AQP9: variants seen among roughly 807,000 people sequenced by gnomAD.
The protein encoded by AQP9 is aquaporin 9.
In AQP9, 19 loss-of-function variants were observed where a neutral mutation model predicts 23.8. The ratio of observed to expected loss-of-function variants is 0.80; its 90% CI spans 0.56 to 1.17. AQP9 has a LOEUF of 1.17. Among genes scored for constraint, AQP9 ranks in the 50% most tolerant of loss-of-function variants. The probability of loss-of-function intolerance (pLI) is 0.00; values close to 1 mark genes in which losing one functional copy is unlikely to be tolerated. For missense variants in AQP9, 413 were observed against 362.0 expected (o/e 1.14, Z -1.14); for synonymous variants, 153 against 131.5 (o/e 1.16, Z -1.12).
intron 1 of AQP9, among the ~76,000 whole-genome samples, chr15:58,145,225 G>T (rs1898023502): frequency 6.6e-6 from 1 of 151,560 alleles, no homozygotes. Flanking sequence ...CCCTTAGGCT[G>T]GGCACAATGG....
chr15:58,160,712 G>T (rs559035559), intron 1 of AQP9, among the ~76,000 whole-genome samples: 1 of 152,078 alleles, frequency 6.6e-6, no homozygotes, highest in Non-Finnish European at 1.5e-5. Flanking sequence ...CAAGGTTGCA[G>T]GTATATAATA....
At position 58,184,202 on chromosome 15, in the gene AQP9, C is replaced by T. The variant is rs1898962419; in HGVS notation, c.*67C>T. 1 of 1,534,060 alleles carries T rather than the reference C, an allele frequency of 6.5e-7. No homozygotes were observed. Among genetic ancestry groups the T allele is most frequent in the South Asian group, 1.2e-5 (1 of 83,472 alleles). On this transcript the variant is annotated 3_prime_UTR_variant, in exon 6 of 6. Transcript: ENST00000219919. The stretch of plus-strand genomic sequence containing the variant: ...CTTCAGAAAGATGGCATCTAAGTGT[C>T]TGTGTTCTTGTAAGCCTGAGGTGGA...
intron 1 of AQP9, among the ~76,000 whole-genome samples, chr15:58,163,112 G>A (rs1269705988): frequency 6.6e-6 from 1 of 152,288 alleles, no homozygotes; most frequent in Non-Finnish European, 1.5e-5. Context: ...GAGAAGAGAA[G>A]GCTTGGTGAA....
rs79160048 is a variant in AQP9 at position 58,184,190 on chromosome 15, G to A, written c.*55G>A. 217 of 1,560,796 alleles carry A rather than the reference G, an allele frequency of 1.4e-4. No individual in the cohort carries two copies. In the East Asian group the frequency reaches 4.5e-3, roughly 33 times the overall value. ...GTTTGGGATTCTCTTCAGAAAGATG[G>A]CATCTAAGTGTCTGTGTTCTTGTAA... On this transcript the variant is annotated 3_prime_UTR_variant, in exon 6 of 6. Transcript: ENST00000219919.
intron 2 of AQP9, 70 bp from the exon 3 acceptor site, chr15:58,172,998 G>A: frequency 1.3e-6 from 2 of 1,587,926 alleles, no homozygotes; most frequent in Non-Finnish European, 1.7e-6. Context: ...TCCACCTGAG[G>A]TCTCTAGATG....
chr15:58,171,769 A>G (rs1214718510), intron 2 of AQP9, among the ~76,000 whole-genome samples: 2 of 152,266 alleles, frequency 1.3e-5, no homozygotes, highest in East Asian at 1.9e-4. Flanking sequence ...TGGAAAAAGC[A>G]TAGCTTTCTC....
intron 3 of AQP9, among the ~76,000 whole-genome samples, chr15:58,173,570 T>G (rs1403675278): frequency 6.6e-6 from 1 of 152,070 alleles, no homozygotes; most frequent in Non-Finnish European, 1.5e-5. Context: ...CAGTAAGTAT[T>G]GAGAGAAGGA....
intron 4 of AQP9, among the ~76,000 whole-genome samples, chr15:58,178,071 T>C (rs1231326090): frequency 6.6e-6 from 1 of 152,176 alleles, no homozygotes; most frequent in Non-Finnish European, 1.5e-5. Context: ...ATTATAATAA[T>C]CTAGAGATGA....
intron 2 of AQP9, among the ~76,000 whole-genome samples, chr15:58,169,283 G>T (rs988995264): frequency 6.6e-6 from 1 of 152,154 alleles, no homozygotes; most frequent in Non-Finnish European, 1.5e-5. Flanking sequence ...CAAACAGAGT[G>T]GTGTCTGAGA....
At chr15:58,175,603 C>T (rs1214720292) in intron 4 of AQP9, among the ~76,000 whole-genome samples, 1 of 152,218 alleles carries the variant, frequency 6.6e-6, no homozygotes, top group Non-Finnish European at 1.5e-5. Context: ...GCAGGACTAA[C>T]ATTGTCAACT....
Position 58,184,089 on chromosome 15 carries a change from A to C in AQP9, c.842A>C (p.Gln281Pro), listed in dbSNP as rs1436248708. The change falls in exon 6 of 6, where the codon CAA becomes CCA. Residue 281 changes from glutamine (Q) to proline (P), a missense_variant. Transcript: ENST00000219919. ...PEPDSVFKTE[Q>P]SEDKPEKYEL... ...CCTGACTCAGTCTTTAAGACAGAAC[A>C]ATCTGAGGACAAACCAGAGAAATAT... 1.2e-6 allele frequency: 2 copies of C among 1,614,132 alleles called. No individual in the cohort carries two copies. The highest frequency in any genetic ancestry group is 3.3e-5 in the Admixed American group (2 of 60,022).
At position 58,173,864 on chromosome 15, in the gene AQP9, T is replaced by A. The variant is rs141492608; in HGVS notation, c.376+659T>A. On this transcript the variant is annotated intron_variant, in intron 3 of 5. Coordinates refer to ENST00000219919, the MANE Select transcript of AQP9 (RefSeq NM_020980.5). ...CCTTTCAAACTAAAACACCTTGGTG[T>A]TCCCATGAAATCAACTGTTAAAGCA... is the stretch of plus-strand genomic sequence containing the variant. Among the ~76,000 whole-genome samples the A allele has an allele frequency of 3.3e-5, 5 of 152,318 alleles. No individual in the cohort carries two copies. In the East Asian group the frequency reaches 9.6e-4, roughly 29 times the overall value.
intron 1 of AQP9, among the ~76,000 whole-genome samples, chr15:58,163,695 G>T (rs1265283671): frequency 6.6e-6 from 1 of 152,154 alleles, no homozygotes; most frequent in Non-Finnish European, 1.5e-5. Flanking sequence ...GTCTAAGAAG[G>T]GAAAGGTACG....
chr15:58,168,380 G>A (rs1246814698), intron 2 of AQP9, among the ~76,000 whole-genome samples: 3 of 152,156 alleles, frequency 2.0e-5, no homozygotes, highest in Non-Finnish European at 2.9e-5. Flanking sequence ...TTATGAGAAG[G>A]GCATTACAAG....
chr15:58,175,038 T>C lies in AQP9; in HGVS notation c.495+2T>C. On this transcript the variant is annotated splice_donor_variant, in intron 4 of 5. Transcript: ENST00000219919. LOFTEE classifies it high-confidence loss of function. ...CTGGCGAACGCATTTGCAGATCAAG[T>C]AAGTGTAGATTCAACAAAGACTTAA... The C allele has an allele frequency of 6.2e-7, 1 of 1,606,110 alleles. No individual in the cohort carries two copies. Among genetic ancestry groups the C allele is most frequent in the Non-Finnish European group, 8.5e-7 (1 of 1,172,656 alleles).
chr15:58,183,874 G>C, intron 5 of AQP9, 87 bp from the exon 6 acceptor site: 2 of 1,448,418 alleles, frequency 1.4e-6, no homozygotes, highest in Non-Finnish European at 1.9e-6. Context: ...ATGAGTGTGA[G>C]AAAGACTAAC....
At chr15:58,147,103 T>G (rs1898061087) in intron 1 of AQP9, among the ~76,000 whole-genome samples, 1 of 152,192 alleles carries the variant, frequency 6.6e-6, no homozygotes, top group South Asian at 2.1e-4. Flanking sequence ...GGCTGCAGAC[T>G]CCTGGAGCCA....
At chr15:58,166,195 T>C (rs1898499258) in intron 1 of AQP9, among the ~76,000 whole-genome samples, 1 of 152,128 alleles carries the variant, frequency 6.6e-6, no homozygotes, top group East Asian at 1.9e-4. Context: ...GTGAGCCAGT[T>C]GGGAAGGCAT....
At chr15:58,161,836 T>C (rs1898389998) in intron 1 of AQP9, among the ~76,000 whole-genome samples, 1 of 152,208 alleles carries the variant, frequency 6.6e-6, no homozygotes, top group East Asian at 1.9e-4. Context: ...CTGGCACATA[T>C]CATTATTCCC....
Sources: gnomAD v4.1 joint callset for allele counts (sites outside exome capture counted in the v4.1 genomes callset) on GRCh38, gnomAD v4.1.1 for gene constraint, MANE v1.5 for transcripts, NCBI Gene and HGNC (gene_info 2026-07-23, HGNC 2026-07-21) for gene names.